Variants in BTBD19 observed in about 807,000 individuals in gnomAD.
BTBD19 encodes the protein BTB domain containing 19, also known as BTB/POZ domain-containing protein 19.
Under a neutral mutation model 36.1 loss-of-function variants are expected in BTBD19, and 20 were observed. The observed-to-expected ratio is 0.55, with a 90% CI of 0.39 to 0.80. The LOEUF (loss-of-function observed/expected upper bound fraction) is 0.80, where lower values mean the gene tolerates loss of function less well. BTBD19 is among the 30% of genes least tolerant of loss of function. The pLI, the probability that BTBD19 is intolerant of heterozygous loss-of-function variation, is 0.00. For missense variants in BTBD19, 325 were observed against 389.8 expected, an observed-to-expected ratio of 0.83 and a Z score of 1.40; for synonymous variants, 157 against 174.3, an observed-to-expected ratio of 0.90 and a Z score of 0.78.
At chr1:44,814,212 T>TTCTTTCTTTCTTTTTC (rs759782134), downstream of BTBD19, 1 of 109,306 alleles carries the variant, frequency 9.1e-6, no homozygotes, top group African/African-American at 3.8e-5. Flanking sequence ...CTTTCTTTCT[T>TTCTTTCTTTCTTTTTC]TTTCTTTCTT....
downstream of BTBD19, chr1:44,814,168 T>TTCTTTC (rs1236428371): frequency 1.4e-5 from 2 of 138,126 alleles, no homozygotes; most frequent in East Asian, 4.5e-4. Context: ...CTTTCTTTCT[T>TTCTTTC]TCTTTCTTTC....
At chr1:44,814,231 C>CTCT (rs1557635922), downstream of BTBD19, 6,971 of 81,988 alleles carry the variant, frequency 0.085, 570 homozygotes, top group African/African-American at 0.21. Flanking sequence ...TTTCTCTTTC[C>CTCT]TTCCTTCCTT....
rs1652340658 is a variant in BTBD19, at chr1:44,810,316, C to T, written c.190C>T (p.Pro64Ser). The change falls in exon 2 of 8, where the codon CCA (proline) becomes TCA (serine). Residue 64 changes from proline to serine, a missense_variant. By Grantham distance (74) the Pro-to-Ser change is moderately conservative (BLOSUM62 -1). Coordinates refer to ENST00000450269, the Ensembl canonical transcript of BTBD19. This position sits in a 1 kb window ranked among gnomAD's most constrained non-coding sequence, Gnocchi z 4.2. The stretch of plus-strand genomic sequence containing the variant: ...CTTCCAGCGACTTCTGGGCACAGAG[C>T]CAGGCCCCGGGGTGCCCAGTCCTGT... 1 of 1,551,684 alleles carries T rather than the reference C, an allele frequency of 6.4e-7. No individual in the cohort carries two copies. Among genetic ancestry groups the T allele is most frequent in the Non-Finnish European group, 8.7e-7 (1 of 1,146,980 alleles).
chr1:44,813,497 C>A lies in BTBD19; in HGVS notation c.739C>A (p.Pro247Thr). The A allele has an allele frequency of 6.5e-7, 1 of 1,550,070 alleles. No individual in the cohort carries two copies. The highest frequency in any genetic ancestry group is 8.7e-7 in the Non-Finnish European group (1 of 1,146,434). The change falls in exon 7 of 8, where the codon CCG (proline) becomes ACG (threonine). Residue 247 changes from proline (P) to threonine (T), a missense_variant and splice_region_variant. Physicochemically the swap from Pro to Thr is conservative, Grantham distance 38. Transcript: ENST00000450269. The surrounding 1 kb of genome is among the most constrained non-coding windows in gnomAD (Gnocchi z 7.8). Reference sequence around the variant, plus strand: ...GCAGAACCGGCAGGAACCACTCATCCCGGTGGGGACGCGGGGAACCGGCCC... The same window carrying A: ...GCAGAACCGGCAGGAACCACTCATCACGGTGGGGACGCGGGGAACCGGCCC...
chr1:44,811,812 G>T (rs1652428715), intron 3 of BTBD19: 2 of 328,934 alleles, frequency 6.1e-6, no homozygotes, highest in Non-Finnish European at 1.2e-5. Flanking sequence ...GATTAGTGGC[G>T]AATGTACTAG....
exon 1 of BTBD19, chr1:44,808,611 C>G (rs1319543694): frequency 7.1e-6 from 3 of 421,366 alleles, no homozygotes; most frequent in Non-Finnish European, 1.3e-5. Context: ...CTCCTGGCCC[C>G]CTCCCTGTGT....
rs1652371401 is a variant in BTBD19, at chr1:44,810,720, GAAGT to G, written c.354+115_354+118del. ...AGAGGAACGTGTGCCCACACAGAGA[GAAGT>G]ATGTATATCTCTCCCAAGTAAGTAG... is the stretch of plus-strand genomic sequence containing the variant. On this transcript the variant is annotated intron_variant, in intron 3 of 7. Transcript: ENST00000450269. This position sits in a 1 kb window ranked among gnomAD's most constrained non-coding sequence, Gnocchi z 4.2. 9.4e-7 allele frequency: 1 copy of G among 1,065,758 alleles called. No individual in the cohort carries two copies. The highest frequency in any genetic ancestry group is 1.6e-5 in the African/African-American group (1 of 62,294). The allele number at this position is 1,065,758 out of a possible 1,614,324, so 66.0% of individuals were successfully genotyped here. A position where few individuals can be genotyped will look rare whatever the true frequency, so the allele number is the denominator to read the frequency against.
rs376548632 is a variant in BTBD19, at chr1:44,810,573, C to T, written c.320C>T (p.Ala107Val). The T allele has an allele frequency of 4.8e-5, 74 of 1,549,586 alleles. No individual in the cohort carries two copies. Among genetic ancestry groups the T allele is most frequent in the South Asian group, 7.2e-5 (6 of 83,192 alleles). Reference sequence around the variant, plus strand: ...CTACAGGTGCTGGAAGTGCTGACAGCGGCTGTGGAGTATGGGCTGGAGGAA... The same window carrying T: ...CTACAGGTGCTGGAAGTGCTGACAGTGGCTGTGGAGTATGGGCTGGAGGAA... Residue 107 changes from alanine (A) to valine (V), a missense_variant, in exon 3 of 8, where the codon GCG (alanine) becomes GTG (valine). Transcript: ENST00000450269. This position sits in a 1 kb window ranked among gnomAD's most constrained non-coding sequence, Gnocchi z 4.2.
At chr1:44,811,763 A>C (rs964261771) in intron 3 of BTBD19, 3 of 305,492 alleles carry the variant, frequency 9.8e-6, no homozygotes, top group Non-Finnish European at 6.7e-6. Flanking sequence ...AAGCATCCTG[A>C]AAGAAGGGGA....
At chr1:44,812,611 C>T (rs1298780976) in intron 4 of BTBD19, 3 of 392,008 alleles carry the variant, frequency 7.7e-6, no homozygotes, top group South Asian at 1.9e-5. Flanking sequence ...GCAGGAGAAT[C>T]GCTTGAACCC....
chr1:44,812,236 A>G (rs977407465), intron 4 of BTBD19, 138 bp downstream of exon 4: 1 of 574,200 alleles, frequency 1.7e-6, no homozygotes. Flanking sequence ...TGCTCCAAGG[A>G]TGTTTATAGG....
At chr1:44,814,212 T>TTC (rs759782134), downstream of BTBD19, 4,383 of 108,234 alleles carry the variant, frequency 0.04, 108 homozygotes, top group African/African-American at 0.083. Flanking sequence ...CTTTCTTTCT[T>TTC]TTTCTTTCTT....
chr1:44,808,758 A>G, exon 1 of BTBD19: 1 of 1,248,998 alleles, frequency 8.0e-7, no homozygotes, highest in Non-Finnish European at 1.1e-6. Context: ...TGCTAACCTC[A>G]CCAGCTCTAG....
At chr1:44,812,698 C>CA (rs932859959) in intron 4 of BTBD19, among the ~76,000 whole-genome samples, 2 of 151,532 alleles carry the variant, frequency 1.3e-5, no homozygotes, top group South Asian at 2.1e-4. Context: ...GACTCTGCCT[C>CA]AAAAAAAATC....
At chr1:44,811,382 G>C (rs1482958023) in intron 3 of BTBD19, among the ~76,000 whole-genome samples, 1 of 152,174 alleles carries the variant, frequency 6.6e-6, no homozygotes, top group African/African-American at 2.4e-5. Flanking sequence ...TTGTTCCTAG[G>C]GGAAGTGGGA....
rs1410596422 is a variant in BTBD19, at chr1:44,810,427, G to C, written c.300+1G>C. ...CAGTGTCAAGCTGTACCGCCACTCT[G>C]TGAGCCTGCTGACCAGGGGCCTGGG... On this transcript the variant is annotated splice_donor_variant, in intron 2 of 7. Transcript: ENST00000450269. LOFTEE classifies it high-confidence loss of function. The surrounding 1 kb of genome is among the most constrained non-coding windows in gnomAD (Gnocchi z 4.2). 10 of 1,551,388 alleles carry C rather than the reference G, an allele frequency of 6.4e-6. No individual in the cohort carries two copies. Among genetic ancestry groups the C allele is most frequent in the Non-Finnish European group, 7.8e-6 (9 of 1,146,812 alleles).
At chr1:44,809,891 C>T (rs763920440) in intron 1 of BTBD19, among the ~76,000 whole-genome samples, 1 of 152,098 alleles carries the variant, frequency 6.6e-6, no homozygotes, top group Non-Finnish European at 1.5e-5. Flanking sequence ...GTGGGATCAA[C>T]CTTGCTTCTA....
rs1396109630 is a variant in BTBD19, at chr1:44,813,300, G to A, written c.615+31G>A. On this transcript the variant is annotated intron_variant, in intron 6 of 7. Coordinates refer to ENST00000450269, the Ensembl canonical transcript of BTBD19. The surrounding 1 kb of genome is among the most constrained non-coding windows in gnomAD (Gnocchi z 7.8). ...TGGGGCTGGGGGAGCGCAAGGGCAC[G>A]GAAGGAGGTGCTGGCCACGAGACTG... 2.6e-6 allele frequency: 4 copies of A among 1,537,656 alleles called. No homozygotes were observed. The highest frequency in any genetic ancestry group is 4.9e-5 in the East Asian group (2 of 40,826).
At chr1:44,808,660 A>G (rs957931725) in exon 1 of BTBD19, 7 of 504,618 alleles carry the variant, frequency 1.4e-5, no homozygotes, top group Non-Finnish European at 2.1e-5. Flanking sequence ...TGATGCCTTC[A>G]GGAGCTTGGG....
Sources: gnomAD v4.1 joint callset for allele counts (sites outside exome capture counted in the v4.1 genomes callset) on GRCh38, gnomAD v4.1.1 for gene constraint, Gnocchi (gnomAD v3.1) non-coding constraint, MANE v1.5 for transcripts, NCBI Gene and HGNC (gene_info 2026-07-23, HGNC 2026-07-21) for gene names.